Variants in TMPRSS15 observed in about 807,000 individuals in gnomAD.
TMPRSS15 encodes transmembrane serine protease 15, also known as enteropeptidase.
TMPRSS15 carries 128 observed loss-of-function variants against 125.3 expected under a neutral mutation model. The observed-to-expected ratio is 1.02, with a 90% CI of 0.89 to 1.18. The LOEUF (loss-of-function observed/expected upper bound fraction) is 1.18. Among genes scored for constraint, TMPRSS15 ranks in the 50% most tolerant of loss-of-function variants. The pLI is 0.00. For synonymous variants in TMPRSS15, 446 were observed against 423.2 expected (o/e 1.05, Z -0.66); for missense variants, 1,283 against 1,212.7 (o/e 1.06, Z -0.86).
At chr21:18,326,779 T>G (rs2075296194) in intron 15 of TMPRSS15, among the ~76,000 whole-genome samples, 1 of 152,220 alleles carries the variant, frequency 6.6e-6, no homozygotes. Context: ...ATTTTGATAT[T>G]TCTTGAGGTT....
At chr21:18,344,746 G>A (rs940870934) in intron 10 of TMPRSS15, among the ~76,000 whole-genome samples, 3 of 152,102 alleles carry the variant, frequency 2.0e-5, no homozygotes, top group African/African-American at 7.2e-5. Context: ...GGGTTGTTGG[G>A]ATAACATTTT....
At chr21:18,449,961 A>G (rs2076264203) in intron 1 of TMPRSS15, among the ~76,000 whole-genome samples, 1 of 152,068 alleles carries the variant, frequency 6.6e-6, no homozygotes, top group Non-Finnish European at 1.5e-5. Context: ...AGATACAAAG[A>G]AAATATATGT....
chr21:18,311,685 T>C lies in TMPRSS15; in HGVS notation c.2165+1260A>G, dbSNP rs559864696. On this transcript the variant is annotated intron_variant, in intron 18 of 24. Transcript: ENST00000284885. The stretch of plus-strand genomic sequence containing the variant: ...CTATTCAGAACATTATGGAAGTTTC[T>C]TAAAAAACTAAAAATAGAACTACCA... Among the ~76,000 whole-genome samples, 52 of 152,148 alleles carry C rather than the reference T, an allele frequency of 3.4e-4. 1 individual carries two copies. The highest frequency in any genetic ancestry group is 3.2e-3 in the Middle Eastern group (1 of 316).
chr21:18,409,244 G>A (rs1011225978), intron 1 of TMPRSS15, among the ~76,000 whole-genome samples: 1 of 151,528 alleles, frequency 6.6e-6, no homozygotes, highest in African/African-American at 2.4e-5. Flanking sequence ...TTTTATATCT[G>A]CCTGAATGCT....
chr21:18,325,701 C>A (rs749401070), intron 16 of TMPRSS15, among the ~76,000 whole-genome samples: 115 of 151,976 alleles, frequency 7.6e-4, no homozygotes, highest in Middle Eastern at 3.4e-3. Flanking sequence ...AGTTGCCGGG[C>A]AGTTCTATGA....
At position 18,353,732 on chromosome 21, in the gene TMPRSS15, C is replaced by T. The variant is rs1372720610; in HGVS notation, c.1012G>A (p.Glu338Lys). 2 of 1,610,572 alleles carry T rather than the reference C, an allele frequency of 1.2e-6. No individual in the cohort carries two copies. The highest frequency in any genetic ancestry group is 1.7e-6 in the Non-Finnish European group (2 of 1,177,884). The change falls in exon 9 of 25, where the codon GAG becomes AAG. Residue 338 changes from glutamate (E) to lysine (K), a missense_variant. Physicochemically the swap from Glu to Lys is moderately conservative, Grantham distance 56. Coordinates refer to ENST00000284885, the MANE Select transcript of TMPRSS15 (RefSeq NM_002772.3). ...AATAAATAATACTTACTATTAAGCT[C>T]ACTGCTGTTAAATGCAGTATATGTT... is the stretch of plus-strand genomic sequence containing the variant. ...NATYTAFNSS[E>K]LNNYEKINCN...
chr21:18,445,097 A>G (rs1285267634), intron 1 of TMPRSS15, among the ~76,000 whole-genome samples: 2 of 152,088 alleles, frequency 1.3e-5, no homozygotes, highest in East Asian at 1.9e-4. Context: ...AGGTTCATCC[A>G]TGTGTTCAGA....
rs9305865 is a variant in TMPRSS15, at chr21:18,399,595, A to G, written c.146-1266T>C. Among the ~76,000 whole-genome samples the G allele has an allele frequency of 9.5e-3, 1,453 of 152,210 alleles. 27 individuals carry two copies. Among genetic ancestry groups the G allele is most frequent in the African/African-American group, 0.034 (1,407 of 41,564 alleles). On this transcript the variant is annotated intron_variant, in intron 1 of 24. Coordinates refer to ENST00000284885, the MANE Select transcript of TMPRSS15 (RefSeq NM_002772.3). ...TCTGCATTGGATCTTAAGCTGGTAA[A>G]GGGCATTAGTGGAAAAACTGGTGAA...
intron 1 of TMPRSS15, among the ~76,000 whole-genome samples, chr21:18,474,384 G>A (rs947895420): frequency 6.6e-6 from 1 of 151,610 alleles, no homozygotes; most frequent in African/African-American, 2.4e-5. Flanking sequence ...TTCGCCTCTT[G>A]GGTTCAAGTG....
chr21:18,349,452 G>T (rs898827578), intron 10 of TMPRSS15, among the ~76,000 whole-genome samples: 2 of 152,146 alleles, frequency 1.3e-5, no homozygotes, highest in Non-Finnish European at 2.9e-5. Context: ...TTAATTCAAA[G>T]TTTATCTGTT....
At chr21:18,397,810 C>A in intron 3 of TMPRSS15, 69 bp downstream of exon 3, 1 of 869,178 alleles carries the variant, frequency 1.2e-6, no homozygotes, top group Non-Finnish European at 1.8e-6. Flanking sequence ...TATAGTGATG[C>A]TATTTTACAA....
intron 1 of TMPRSS15, among the ~76,000 whole-genome samples, chr21:18,437,349 T>C (rs2076230179): frequency 6.6e-6 from 1 of 152,084 alleles, no homozygotes; most frequent in Non-Finnish European, 1.5e-5. Context: ...GACTTAAACG[T>C]TAGACCTAAA....
intron 1 of TMPRSS15, among the ~76,000 whole-genome samples, chr21:18,454,095 T>C (rs756711103): frequency 2.0e-5 from 3 of 152,158 alleles, no homozygotes; most frequent in Admixed American, 6.6e-5. Flanking sequence ...AATTTAAACT[T>C]TAATTTTACA....
At chr21:18,484,963 A>T (rs901160293) in intron 1 of TMPRSS15, among the ~76,000 whole-genome samples, 7 of 151,890 alleles carry the variant, frequency 4.6e-5, no homozygotes, top group Non-Finnish European at 1.0e-4. Context: ...TAAGAGATTT[A>T]AAAAAATCAG....
intron 21 of TMPRSS15, among the ~76,000 whole-genome samples, chr21:18,288,187 A>G (rs2074788298): frequency 6.6e-6 from 1 of 152,200 alleles, no homozygotes; most frequent in African/African-American, 2.4e-5. Context: ...TTGCAGCAAC[A>G]TGGATGGAAC....
intron 3 of TMPRSS15, among the ~76,000 whole-genome samples, chr21:18,388,100 T>C (rs1310484449): frequency 6.6e-6 from 1 of 152,134 alleles, no homozygotes; most frequent in Non-Finnish European, 1.5e-5. Flanking sequence ...AGAGCAACAA[T>C]GTGATTTATC....
intron 17 of TMPRSS15, among the ~76,000 whole-genome samples, chr21:18,314,223 T>C (rs1424714755): frequency 6.6e-6 from 1 of 152,212 alleles, no homozygotes; most frequent in Non-Finnish European, 1.5e-5. Flanking sequence ...GTGCAACCTT[T>C]GGCAGCCACT....
At position 18,397,944 on chromosome 21, in the gene TMPRSS15, T is replaced by C; in HGVS notation, c.279A>G (p.Ile93Met). Residue 93 changes from isoleucine (I) to methionine (M), a missense_variant and splice_region_variant, in exon 3 of 25, where the codon ATA becomes ATG. By Grantham distance (10) the Ile-to-Met change is conservative (BLOSUM62 1). Transcript: ENST00000284885. Reference sequence around the variant, plus strand: ...GATTGCTTGATAGAAAGATCTCATCTATCTAGAAAAATATAAAAGATTGAA... The same window carrying C: ...GATTGCTTGATAGAAAGATCTCATCCATCTAGAAAAATATAAAAGATTGAA... ...KVLAFDLQQMIDEIFLSSNLK... is the reference protein window; with the variant it reads ...KVLAFDLQQMMDEIFLSSNLK... 6.7e-7 allele frequency: 1 copy of C among 1,496,134 alleles called. No individual in the cohort carries two copies. The highest frequency in any genetic ancestry group is 9.2e-7 in the Non-Finnish European group (1 of 1,088,372). The allele number at this position is 1,496,134 out of a possible 1,614,324, so 92.7% of individuals were successfully genotyped here.
chr21:18,340,973 A>T (rs1316999094), intron 13 of TMPRSS15, among the ~76,000 whole-genome samples: 1 of 152,218 alleles, frequency 6.6e-6, no homozygotes, highest in Non-Finnish European at 1.5e-5. Context: ...TTATATTTTG[A>T]AGTCTTTGAT....
Sources: allele counts gnomAD v4.1 joint callset (sites outside exome capture counted in the v4.1 genomes callset), GRCh38; gene constraint gnomAD v4.1.1; transcripts MANE v1.5; gene names NCBI Gene and HGNC (gene_info 2026-07-23, HGNC 2026-07-21).